DLGAP4: variants seen among roughly 807,000 people sequenced by gnomAD.
DLGAP4 encodes disks large-associated protein 4.
In DLGAP4, 18 loss-of-function variants were observed where a neutral mutation model predicts 86.9. The observed-to-expected ratio is 0.21, with a 90% confidence interval of 0.14 to 0.31. The LOEUF (loss-of-function observed/expected upper bound fraction) is 0.31, where lower values mean the gene tolerates loss of function less well. Among genes scored for constraint, DLGAP4 ranks in the 10% least tolerant of loss-of-function variants. The probability of loss-of-function intolerance (pLI) is 1.00; values close to 1 mark genes in which losing one functional copy is unlikely to be tolerated. For missense variants in DLGAP4, 1,085 were observed against 1,362.6 expected (o/e 0.80, Z 3.21); for synonymous variants, 548 against 574.3 (o/e 0.95, Z 0.65).
At chr20:36,407,579 C>G (rs2032361382) in intron 2 of DLGAP4, among the ~76,000 whole-genome samples, 1 of 151,998 alleles carries the variant, frequency 6.6e-6, no homozygotes, top group Non-Finnish European at 1.5e-5. Context: ...CATTTGGGCC[C>G]AGCTACTGAG....
At chr20:36,396,429 TACAC>T (rs1184707984) in intron 2 of DLGAP4, among the ~76,000 whole-genome samples, 4 of 7,462 alleles carry the variant, frequency 5.4e-4, no homozygotes, top group Non-Finnish European at 7.5e-4. Flanking sequence ...ACACACCACA[TACAC>T]ACACCCACAC....
chr20:36,383,771 C>T (rs1035453194), intron 2 of DLGAP4, among the ~76,000 whole-genome samples: 1 of 151,902 alleles, frequency 6.6e-6, no homozygotes, highest in Non-Finnish European at 1.5e-5. Context: ...GTCAGGAGAT[C>T]GAGACCATCC....
In DLGAP4 at chr20:36,314,315, A is replaced by T. The variant is rs1253708707; in HGVS notation, c.-304+7803A>T. Among the ~76,000 whole-genome samples the T allele has an allele frequency of 1.1e-4, 14 of 124,176 alleles. No homozygotes were observed. In the East Asian group the frequency reaches 3.3e-3, roughly 30 times the overall value. The allele number at this position is 124,176 out of a possible 152,430, so 81.5% of individuals were successfully genotyped here. Reference sequence around the variant, plus strand: ...GAGGGCTGGCCTCGGGGTCCTTCCCACTCCCTGTGTGTGTGCGTGTGTGTG... The same window carrying T: ...GAGGGCTGGCCTCGGGGTCCTTCCCTCTCCCTGTGTGTGTGCGTGTGTGTG... On this transcript the variant is annotated intron_variant, in intron 1 of 12. Transcript: ENST00000339266.
intron 12 of DLGAP4, 93 bp downstream of exon 12, chr20:36,526,099 TCTC>T (rs776364153): frequency 2.5e-6 from 4 of 1,573,504 alleles, no homozygotes; most frequent in Admixed American, 1.7e-5. Context: ...TTGGCTCCCT[TCTC>T]CGTGTGTCGT....
chr20:36,379,762 A>T (rs370150723), intron 2 of DLGAP4, among the ~76,000 whole-genome samples: 28 of 152,350 alleles, frequency 1.8e-4, no homozygotes, highest in African/African-American at 6.0e-4. Flanking sequence ...ACTTTGGGAA[A>T]ATCACTTGAC....
chr20:36,498,247 T>G (rs1348036710), intron 8 of DLGAP4: 1 of 152,320 alleles, frequency 6.6e-6, no homozygotes, highest in African/African-American at 2.4e-5. Flanking sequence ...TCCCCATGTA[T>G]AAACAGAGAG....
chr20:36,525,449 A>G (rs950082368), intron 11 of DLGAP4: 1 of 266,642 alleles, frequency 3.8e-6, no homozygotes, highest in Non-Finnish European at 7.4e-6. Context: ...TTGCGTTGTC[A>G]TGGAACAGAG....
chr20:36,384,861 C>T (rs1412845357), intron 2 of DLGAP4, among the ~76,000 whole-genome samples: 1 of 152,152 alleles, frequency 6.6e-6, no homozygotes, highest in Non-Finnish European at 1.5e-5. Flanking sequence ...TGTGCCAGGA[C>T]CTGTACTGGG....
intron 1 of DLGAP4, among the ~76,000 whole-genome samples, chr20:36,311,772 C>T (rs2065055483): frequency 6.6e-6 from 1 of 152,136 alleles, no homozygotes; most frequent in African/African-American, 2.4e-5. Context: ...GTGGAGGTGC[C>T]AGGGTTTGGA....
At chr20:36,364,684 C>T (rs185321328) in intron 1 of DLGAP4, among the ~76,000 whole-genome samples, 37 of 152,282 alleles carry the variant, frequency 2.4e-4, no homozygotes, top group African/African-American at 8.4e-4. Flanking sequence ...CTGTGTCTGG[C>T]CTCTTCCACT....
intron 10 of DLGAP4, among the ~76,000 whole-genome samples, chr20:36,518,380 GTTAATT>G (rs1203616235): frequency 6.6e-6 from 1 of 151,946 alleles, no homozygotes; most frequent in African/African-American, 2.4e-5. Flanking sequence ...GACAGGGTTT[GTTAATT>G]TTATTAATCC....
intron 1 of DLGAP4, among the ~76,000 whole-genome samples, chr20:36,343,866 C>T (rs111292896): frequency 5.4e-4 from 82 of 152,350 alleles, no homozygotes; most frequent in Middle Eastern, 3.4e-3. Flanking sequence ...GCTGCTGGCC[C>T]GTGGCTACAG....
chr20:36,477,686 G>A (rs1172855048), intron 7 of DLGAP4, among the ~76,000 whole-genome samples: 1 of 152,242 alleles, frequency 6.6e-6, no homozygotes, highest in Non-Finnish European at 1.5e-5. Context: ...TTCCTCTTCT[G>A]GGAAATGGGA....
intron 2 of DLGAP4, among the ~76,000 whole-genome samples, chr20:36,396,586 C>CG (rs1569484843): frequency 3.7e-5 from 1 of 27,186 alleles, no homozygotes; most frequent in African/African-American, 5.1e-5. Flanking sequence ...CATACACACA[C>CG]CAGACACACA....
intron 1 of DLGAP4, among the ~76,000 whole-genome samples, chr20:36,317,237 T>TTC (rs1481903225): frequency 2.0e-5 from 1 of 49,520 alleles, no homozygotes; most frequent in Non-Finnish European, 3.6e-5. Flanking sequence ...CTTTCTTTCT[T>TTC]TCTTTCTTTC....
At chr20:36,512,138 C>T (rs2036739714) in intron 10 of DLGAP4, among the ~76,000 whole-genome samples, 1 of 149,644 alleles carries the variant, frequency 6.7e-6, no homozygotes, top group South Asian at 2.2e-4. Context: ...GCAAGCTCCA[C>T]CTCCCGGATT....
intron 1 of DLGAP4, among the ~76,000 whole-genome samples, chr20:36,331,149 G>A (rs1254407605): frequency 6.6e-6 from 1 of 152,188 alleles, no homozygotes; most frequent in Non-Finnish European, 1.5e-5. Context: ...CTGTGGGGAT[G>A]GCTACTTCCA....
intron 2 of DLGAP4, among the ~76,000 whole-genome samples, chr20:36,385,491 A>G (rs565857272): frequency 6.6e-6 from 1 of 152,314 alleles, no homozygotes; most frequent in South Asian, 2.1e-4. Context: ...CAAAAGTGCA[A>G]AAGGGCCTAG....
intron 2 of DLGAP4, among the ~76,000 whole-genome samples, chr20:36,419,507 A>C (rs187135180): frequency 2.6e-5 from 4 of 152,202 alleles, no homozygotes; most frequent in Admixed American, 2.6e-4. Context: ...CATCTCACAG[A>C]GCTTCTAGGG....
Sources: gnomAD v4.1 joint callset for allele counts (sites outside exome capture counted in the v4.1 genomes callset) on GRCh38, gnomAD v4.1.1 for gene constraint, MANE v1.5 for transcripts, NCBI Gene and HGNC (gene_info 2026-07-23, HGNC 2026-07-21) for gene names.